The following MAML2 variants were observed in gnomAD, a reference collection of about 807,000 sequenced individuals.
MAML2 encodes the protein mastermind like transcriptional coactivator 2, also known as mastermind-like protein 2.
Under a neutral mutation model 96.1 loss-of-function variants are expected in MAML2, and 22 were observed. The ratio of observed to expected loss-of-function variants is 0.23; its 90% CI spans 0.16 to 0.33. The LOEUF is 0.33. Among genes scored for constraint, MAML2 ranks in the 10% least tolerant of loss-of-function variants. The pLI is 1.00. For missense variants in MAML2, 1,367 were observed against 1,392.4 expected (o/e 0.98, Z 0.29); for synonymous variants, 561 against 521.3 (o/e 1.08, Z -1.04).
chr11:96,084,003 C>A (rs1184870801), intron 2 of MAML2, among the ~76,000 whole-genome samples: 1 of 152,166 alleles, frequency 6.6e-6, no homozygotes. Context: ...GTTAGCCAAG[C>A]TGAGTAGATC....
At position 96,341,835 on chromosome 11, in the gene MAML2, C is replaced by T. The variant is rs868498488; in HGVS notation, c.61G>A (p.Gly21Arg). ...GTGACTGAGCCCCCTCCAAGGAGCC[C>T]CGCCCCAGAGGCCCCCCCTAGCCCT... ...AGGLGGASGAGLLGGGSVTPR... is the reference protein window; with the variant it reads ...AGGLGGASGARLLGGGSVTPR... The change falls in exon 1 of 5, where the codon GGG (glycine) becomes AGG (arginine). Residue 21 changes from glycine to arginine, a missense_variant. Gly to Arg is a moderately radical substitution (Grantham distance 125). Coordinates refer to ENST00000524717, the MANE Select transcript of MAML2 (RefSeq NM_032427.4). 3 of 1,577,238 alleles carry T rather than the reference C, an allele frequency of 1.9e-6. No individual in the cohort carries two copies. Among genetic ancestry groups the T allele is most frequent in the African/African-American group, 1.3e-5 (1 of 74,268 alleles).
intron 1 of MAML2, among the ~76,000 whole-genome samples, chr11:96,237,899 C>T (rs980383080): frequency 1.3e-5 from 2 of 152,224 alleles, no homozygotes; most frequent in Non-Finnish European, 2.9e-5. Flanking sequence ...ACAACTCAAG[C>T]ATCTGTTTTA....
chr11:96,293,873 G>A (rs934717857), intron 1 of MAML2, among the ~76,000 whole-genome samples: 4 of 152,164 alleles, frequency 2.6e-5, no homozygotes, highest in Non-Finnish European at 5.9e-5. Flanking sequence ...AAGAGCCAGC[G>A]AATTCTAAAT....
At chr11:96,213,928 C>G (rs7116330) in intron 1 of MAML2, among the ~76,000 whole-genome samples, 2,280 of 152,252 alleles carry the variant, frequency 0.015, 53 homozygotes, top group African/African-American at 0.052. Flanking sequence ...ATCAGATAGG[C>G]TAACAATGAA....
chr11:96,109,393 A>G (rs1860081331), intron 1 of MAML2, among the ~76,000 whole-genome samples: 1 of 152,214 alleles, frequency 6.6e-6, no homozygotes, highest in Admixed American at 6.5e-5. Context: ...TTGGAAAAAT[A>G]ACTCTAACTA....
intron 2 of MAML2, among the ~76,000 whole-genome samples, chr11:96,064,992 C>T (rs1016323788): frequency 6.6e-6 from 1 of 152,100 alleles, no homozygotes; most frequent in Non-Finnish European, 1.5e-5. Context: ...ATGCCATAAA[C>T]CAAGAAGCCA....
chr11:96,185,083 T>C (rs1193002173), intron 1 of MAML2, among the ~76,000 whole-genome samples: 1 of 152,132 alleles, frequency 6.6e-6, no homozygotes, highest in East Asian at 1.9e-4. Flanking sequence ...ATAAAGACTT[T>C]GAGTGCTCTG....
At chr11:96,029,971 C>G (rs989167497) in intron 2 of MAML2, among the ~76,000 whole-genome samples, 1 of 152,156 alleles carries the variant, frequency 6.6e-6, no homozygotes, top group Non-Finnish European at 1.5e-5. Flanking sequence ...CGGTGGCTCA[C>G]GCCTATAATC....
chr11:96,036,228 A>G (rs1050549095), intron 2 of MAML2, among the ~76,000 whole-genome samples: 3 of 152,178 alleles, frequency 2.0e-5, no homozygotes. Flanking sequence ...TGACACATAC[A>G]AACGGACATA....
Position 96,051,055 on chromosome 11 carries a change from T to G in MAML2, c.2139+40837A>C, listed in dbSNP as rs1024463910. Reference sequence around the variant, plus strand: ...CTGGCTGTTGCATGTTGGTTTAGTGTCATTTCCTTTGGATAATCTGTGAGG... The same window carrying G: ...CTGGCTGTTGCATGTTGGTTTAGTGGCATTTCCTTTGGATAATCTGTGAGG... On this transcript the variant is annotated intron_variant, in intron 2 of 4. Coordinates refer to ENST00000524717, the MANE Select transcript of MAML2 (RefSeq NM_032427.4). Among the ~76,000 whole-genome samples, 3 of 152,162 alleles carry G rather than the reference T, an allele frequency of 2.0e-5. No homozygotes were observed. The South Asian group carries it at 6.2e-4, about 32-fold the overall frequency.
rs144532830 is a variant in MAML2 at position 96,320,877 on chromosome 11, T to C, written c.513+20506A>G. Among the ~76,000 whole-genome samples the C allele has an allele frequency of 1.7e-4, 26 of 152,232 alleles. No homozygotes were observed. The East Asian group carries it at 3.9e-3, about 23-fold the overall frequency. On this transcript the variant is annotated intron_variant, in intron 1 of 4. Coordinates refer to ENST00000524717, the MANE Select transcript of MAML2 (RefSeq NM_032427.4). Reference sequence around the variant, plus strand: ...TATCATATGACAAGGACCAAGAAAGTCAATGTTTTCAAGAGCACATCCAGT... The same window carrying C: ...TATCATATGACAAGGACCAAGAAAGCCAATGTTTTCAAGAGCACATCCAGT...
At chr11:96,297,790 T>C (rs1027882714) in intron 1 of MAML2, among the ~76,000 whole-genome samples, 1 of 152,198 alleles carries the variant, frequency 6.6e-6, no homozygotes, top group African/African-American at 2.4e-5. Flanking sequence ...CAAAGTATTT[T>C]AAAGCAAATC....
intron 2 of MAML2, among the ~76,000 whole-genome samples, chr11:96,062,699 T>C (rs1415797985): frequency 6.6e-6 from 1 of 152,210 alleles, no homozygotes; most frequent in Admixed American, 6.5e-5. Context: ...GCTCTCCTTA[T>C]CCAAAGGGTG....
chr11:96,207,526 G>A (rs1861911702), intron 1 of MAML2, among the ~76,000 whole-genome samples: 1 of 152,210 alleles, frequency 6.6e-6, no homozygotes, highest in East Asian at 1.9e-4. Flanking sequence ...TCTTAGGTGA[G>A]ACTGTGTTCT....
intron 1 of MAML2, among the ~76,000 whole-genome samples, chr11:96,303,106 G>A (rs16923528): frequency 0.031 from 4,642 of 152,098 alleles, 132 homozygotes; most frequent in South Asian, 0.16. Flanking sequence ...ATACATTCAC[G>A]GGCTCATTTG....
chr11:96,108,892 T>G (rs1444656502), intron 1 of MAML2, among the ~76,000 whole-genome samples: 2 of 151,834 alleles, frequency 1.3e-5, no homozygotes, highest in Non-Finnish European at 2.9e-5. Context: ...AAATTAGCTA[T>G]GCATGGTGGT....
rs541872310 is a variant in MAML2 at position 96,170,748 on chromosome 11, T to C, written c.514-77231A>G. ...TTTTTGTTTTGAGATGGAGTCTTGCTCTGTCGCCCAGGCTGGAGTGCAGTG... is the reference window on the plus strand; with the variant it reads ...TTTTTGTTTTGAGATGGAGTCTTGCCCTGTCGCCCAGGCTGGAGTGCAGTG... On this transcript the variant is annotated intron_variant, in intron 1 of 4. Coordinates refer to ENST00000524717, the MANE Select transcript of MAML2 (RefSeq NM_032427.4). 3.3e-5 allele frequency among the ~76,000 whole-genome samples: 5 copies of C among 152,304 alleles called. No individual in the cohort carries two copies. The East Asian group carries it at 7.7e-4, about 24-fold the overall frequency.
rs187770311 is a variant in MAML2, at chr11:96,139,302, C to T, written c.514-45785G>A. 3.1e-3 allele frequency among the ~76,000 whole-genome samples: 468 copies of T among 151,980 alleles called. 5 individuals are homozygous for T. Among genetic ancestry groups the T allele is most frequent in the African/African-American group, 0.011 (444 of 41,460 alleles). ...ACCATCCTGGCTAACACAGTGTAAC[C>T]CTGTCTCTACTAAAAATACAAAAAA... On this transcript the variant is annotated intron_variant, in intron 1 of 4. Transcript: ENST00000524717.
chr11:96,095,196 T>A (rs564734439), intron 1 of MAML2, among the ~76,000 whole-genome samples: 1 of 152,158 alleles, frequency 6.6e-6, no homozygotes, highest in East Asian at 1.9e-4. Context: ...CAACCTAGTA[T>A]AAAGGGGCCA....
Sources: gnomAD v4.1 joint callset for allele counts (sites outside exome capture counted in the v4.1 genomes callset) on GRCh38, gnomAD v4.1.1 for gene constraint, MANE v1.5 for transcripts, NCBI Gene and HGNC (gene_info 2026-07-23, HGNC 2026-07-21) for gene names.